The following MYO9A variants were observed in gnomAD, a reference collection of about 807,000 sequenced individuals.
MYO9A encodes myosin IXA, also known as unconventional myosin-IXa.
MYO9A carries 103 observed loss-of-function variants against 293.3 expected under a neutral mutation model. That is an observed-to-expected ratio of 0.35 (90% CI 0.30 to 0.41). The LOEUF (loss-of-function observed/expected upper bound fraction) is 0.41, where lower values mean the gene tolerates loss of function less well. Ranked by LOEUF, MYO9A falls within the 10% of genes least tolerant of loss-of-function variation. The pLI is 1.00. For synonymous variants in MYO9A, 1,001 were observed against 1,035.7 expected, an observed-to-expected ratio of 0.97 and a Z score of 0.64; for missense variants, 2,685 against 3,033.0, an observed-to-expected ratio of 0.89 and a Z score of 2.69.
intron 32 of MYO9A, among the ~76,000 whole-genome samples, chr15:71,870,228 AGTG>A (rs1184153641): frequency 6.6e-6 from 1 of 152,028 alleles, no homozygotes; most frequent in African/African-American, 2.4e-5. Context: ...AAAAAAAAAA[AGTG>A]GTAAAAGTTC....
chr15:72,027,677 G>A, intron 4 of MYO9A, 54 bp downstream of exon 4: 2 of 1,365,190 alleles, frequency 1.5e-6, no homozygotes, highest in Non-Finnish European at 1.0e-6. Flanking sequence ...TTAAAAGTCA[G>A]TCTGCGTGAT....
chr15:71,906,758 CTT>C lies in MYO9A; in HGVS notation c.2686-1754_2686-1753del, dbSNP rs71131714. ...CCAATCAGATAATATCCATTTCTTT[CTT>C]TTTTTTTTTTTTTTTTTTCCTGAGA... On this transcript the variant is annotated intron_variant, in intron 19 of 41. Coordinates refer to ENST00000356056, the MANE Select transcript of MYO9A (RefSeq NM_006901.4). Among the ~76,000 whole-genome samples, 29 of 61,032 alleles carry C rather than the reference CTT, an allele frequency of 4.8e-4. No homozygotes were observed. In the East Asian group the frequency reaches 9.0e-3, roughly 19 times the overall value. The allele number at this position is 61,032 out of a possible 152,430, so 40.0% of individuals were successfully genotyped here.
intron 2 of MYO9A, among the ~76,000 whole-genome samples, chr15:72,042,564 C>CTA (rs2078258334): frequency 1.3e-5 from 2 of 151,678 alleles, no homozygotes; most frequent in South Asian, 4.2e-4. Flanking sequence ...AACTTAATGG[C>CTA]TAAAGACTAA....
chr15:71,942,697 C>A (rs552978496), intron 15 of MYO9A, among the ~76,000 whole-genome samples: 7 of 151,978 alleles, frequency 4.6e-5, no homozygotes, highest in African/African-American at 1.7e-4. Flanking sequence ...CTAAAGAGTA[C>A]AAGAACCTTC....
chr15:71,949,390 G>A (rs2058999532), intron 15 of MYO9A, among the ~76,000 whole-genome samples: 2 of 151,268 alleles, frequency 1.3e-5, no homozygotes, highest in African/African-American at 4.9e-5. Flanking sequence ...TTTTAGTAGA[G>A]ACAGGGTTTC....
At chr15:71,842,671 A>T (rs1284295637) in intron 39 of MYO9A, among the ~76,000 whole-genome samples, 3 of 151,956 alleles carry the variant, frequency 2.0e-5, no homozygotes, top group Non-Finnish European at 2.9e-5. Context: ...TATCCTGGCT[A>T]ACACGGTGAA....
intron 11 of MYO9A, among the ~76,000 whole-genome samples, chr15:71,980,968 C>A (rs1024000436): frequency 2.6e-5 from 4 of 152,144 alleles, no homozygotes; most frequent in Non-Finnish European, 5.9e-5. Flanking sequence ...TGTCCTTTAT[C>A]AGAAAATCAT....
chr15:72,091,158 C>T (rs2150597988), intron 1 of MYO9A, among the ~76,000 whole-genome samples: 1 of 151,138 alleles, frequency 6.6e-6, no homozygotes, highest in East Asian at 2.0e-4. Flanking sequence ...ATGACTTCAC[C>T]ACTGCACCAC....
chr15:72,038,061 T>G (rs1453947905), intron 2 of MYO9A, among the ~76,000 whole-genome samples: 2 of 152,030 alleles, frequency 1.3e-5, no homozygotes, highest in Admixed American at 1.3e-4. Context: ...GGACTACAGG[T>G]GCATACCAAC....
intron 1 of MYO9A, among the ~76,000 whole-genome samples, chr15:72,061,926 G>A (rs1035259203): frequency 2.6e-5 from 4 of 152,242 alleles, no homozygotes; most frequent in Non-Finnish European, 4.4e-5. Context: ...ACCCAGCACA[G>A]TCCAAGAGGT....
intron 1 of MYO9A, among the ~76,000 whole-genome samples, chr15:72,050,111 T>A (rs1054811436): frequency 2.0e-5 from 3 of 152,122 alleles, no homozygotes; most frequent in East Asian, 1.9e-4. Context: ...TCAGTTTGGT[T>A]TTATCTTTGT....
chr15:71,912,313 T>C (rs1344918445), intron 19 of MYO9A, among the ~76,000 whole-genome samples: 1 of 151,864 alleles, frequency 6.6e-6, no homozygotes, highest in Non-Finnish European at 1.5e-5. Flanking sequence ...TGGAGTGCAG[T>C]GGTGCAATCT....
chr15:72,059,924 T>C (rs1296808399), intron 1 of MYO9A, among the ~76,000 whole-genome samples: 3 of 152,238 alleles, frequency 2.0e-5, no homozygotes, highest in Admixed American at 6.5e-5. Context: ...TGTAGTTTTA[T>C]AGTTCTTAAT....
chr15:71,828,129 A>C, intron 40 of MYO9A, 103 bp from the exon 41 acceptor site: 1 of 1,357,196 alleles, frequency 7.4e-7, no homozygotes. Flanking sequence ...AGAAGCAAAG[A>C]GAGTCCATTT....
intron 26 of MYO9A, among the ~76,000 whole-genome samples, chr15:71,888,773 A>G (rs770796955): frequency 1.5e-4 from 23 of 152,128 alleles, no homozygotes; most frequent in Admixed American, 3.3e-4. Context: ...TCATTTCCTA[A>G]TATTTCATTT....
chr15:72,016,189 AGTT>A (rs1427880471), intron 6 of MYO9A, among the ~76,000 whole-genome samples: 2 of 152,172 alleles, frequency 1.3e-5, no homozygotes, highest in African/African-American at 4.8e-5. Flanking sequence ...AGTCACCATG[AGTT>A]ACTAAAACCT....
At chr15:72,110,146 A>C (rs1385250884) in intron 1 of MYO9A, among the ~76,000 whole-genome samples, 1 of 150,476 alleles carries the variant, frequency 6.6e-6, no homozygotes. Context: ...AACAAAAAGG[A>C]AATTCCAGGC....
At chr15:71,847,343 C>T (rs371430044) in intron 39 of MYO9A, 8 of 407,134 alleles carry the variant, frequency 2.0e-5, no homozygotes, top group African/African-American at 8.1e-5. Flanking sequence ...ATAGACAGGG[C>T]GGAACAATTC....
chr15:71,916,201 CT>C (rs879077149), intron 19 of MYO9A, among the ~76,000 whole-genome samples, 168 bp downstream of exon 19: 200 of 146,928 alleles, frequency 1.4e-3, no homozygotes, highest in Non-Finnish European at 2.2e-3. Context: ...AGGCATCTGA[CT>C]TTTTTTTTTT....
Sources: gnomAD v4.1 joint callset for allele counts (sites outside exome capture counted in the v4.1 genomes callset) on GRCh38, gnomAD v4.1.1 for gene constraint, MANE v1.5 for transcripts, NCBI Gene and HGNC (gene_info 2026-07-23, HGNC 2026-07-21) for gene names.